Variants in ATXN8OS observed in about 807,000 individuals in gnomAD.
ATXN8OS encodes ATXN8 opposite strand (non-protein coding).
intron 3 of ATXN8OS, among the ~76,000 whole-genome samples, chr13:70,146,134 T>A (rs1379071158): frequency 6.0e-4 from 89 of 147,734 alleles, no homozygotes; most frequent in Admixed American, 1.5e-3. Flanking sequence ...AAAAGAAGAC[T>A]TTTATGCAGC....
chr13:70,141,285 T>C (rs960685987), intron 3 of ATXN8OS, among the ~76,000 whole-genome samples: 5 of 152,162 alleles, frequency 3.3e-5, no homozygotes, highest in Non-Finnish European at 7.3e-5. Flanking sequence ...AAATATTAAA[T>C]CTATAGTGTC....
chr13:70,113,103 G>A (rs1329401291), intron 1 of ATXN8OS, among the ~76,000 whole-genome samples: 1 of 151,354 alleles, frequency 6.6e-6, no homozygotes, highest in Non-Finnish European at 1.5e-5. Flanking sequence ...CGTATTTTTA[G>A]TAGAGACGGG....
At chr13:70,118,384 A>G (rs1888311507) in intron 2 of ATXN8OS, among the ~76,000 whole-genome samples, 1 of 152,088 alleles carries the variant, frequency 6.6e-6, no homozygotes, top group Non-Finnish European at 1.5e-5. Context: ...ATTAATATTT[A>G]TTGAACTGGG....
chr13:70,164,335 C>G (rs577150645), intron 4 of ATXN8OS, among the ~76,000 whole-genome samples: 4 of 151,740 alleles, frequency 2.6e-5, no homozygotes, highest in African/African-American at 9.6e-5. Context: ...CATCTTCCTT[C>G]TCCTCCTCTT....
At position 70,169,280 on chromosome 13, in the gene ATXN8OS, T is replaced by C. The variant is rs116886931; in HGVS notation, n.574-473T>C. On this transcript the variant is annotated intron_variant and non_coding_transcript_variant, in intron 4 of 4. Transcript: ENST00000678624. ...TCCTAGAAATAAACCTCAGAAGAAA[T>C]AGAAGAAAACGTTTAATCTTTTTGT... 6.4e-3 allele frequency among the ~76,000 whole-genome samples: 970 copies of C among 152,174 alleles called. 18 individuals carry two copies. The highest frequency in any genetic ancestry group is 0.011 in the Admixed American group (162 of 15,252).
rs376909417 is a variant in ATXN8OS, at chr13:70,161,022, T to C, written n.574-8731T>C. Among the ~76,000 whole-genome samples the C allele has an allele frequency of 1.4e-4, 21 of 151,698 alleles. No homozygotes were observed. The East Asian group carries it at 2.3e-3, about 17-fold the overall frequency. On this transcript the variant is annotated intron_variant and non_coding_transcript_variant, in intron 4 of 4. Coordinates refer to ENST00000678624, the Ensembl canonical transcript of ATXN8OS. ...TCGAGACAAATCTACAGTTGAGATT[T>C]CTAAATATAACTGTTATTAGAAAAT...
At chr13:70,108,049 G>A in intron 1 of ATXN8OS, 3 of 424,918 alleles carry the variant, frequency 7.1e-6, no homozygotes, top group Non-Finnish European at 1.2e-5. Flanking sequence ...GGAGATGCGC[G>A]AGGGAGGGAG....
At chr13:70,129,896 A>C (rs748991535) in intron 3 of ATXN8OS, 4 of 398,356 alleles carry the variant, frequency 1.0e-5, no homozygotes, top group South Asian at 1.3e-4. Flanking sequence ...TAAAAACATC[A>C]AAAGGTTGTA....
Position 70,120,479 on chromosome 13 carries a change from T to C in ATXN8OS, n.398+5181T>C, listed in dbSNP as rs1475614878. ...AGGCCATCAAATATTTGTCATTAAA[T>C]TGTTGGAGTCTATTCAGTCATGGAA... On this transcript the variant is annotated intron_variant and non_coding_transcript_variant, in intron 2 of 4. Coordinates refer to ENST00000678624, the Ensembl canonical transcript of ATXN8OS. Among the ~76,000 whole-genome samples the C allele has an allele frequency of 2.6e-5, 4 of 152,204 alleles. No homozygotes were observed. The East Asian group carries it at 7.7e-4, about 29-fold the overall frequency.
intron 1 of ATXN8OS, among the ~76,000 whole-genome samples, chr13:70,111,981 A>T (rs1179549019): frequency 6.6e-6 from 1 of 152,196 alleles, no homozygotes; most frequent in East Asian, 1.9e-4. Flanking sequence ...GGTAATTTAT[A>T]AAGAAAATAA....
intron 4 of ATXN8OS, among the ~76,000 whole-genome samples, chr13:70,153,950 G>T (rs1888905910): frequency 6.6e-6 from 1 of 152,090 alleles, no homozygotes; most frequent in African/African-American, 2.4e-5. Flanking sequence ...GCCTCACAAA[G>T]TGTTGGGATT....
chr13:70,112,512 C>G (rs1412762540), intron 1 of ATXN8OS, among the ~76,000 whole-genome samples: 1 of 152,142 alleles, frequency 6.6e-6, no homozygotes, highest in East Asian at 1.9e-4. Context: ...ATACACATAA[C>G]CATTCATGGT....
At chr13:70,128,588 C>A (rs1318581452) in intron 2 of ATXN8OS, among the ~76,000 whole-genome samples, 1 of 151,856 alleles carries the variant, frequency 6.6e-6, no homozygotes, top group Non-Finnish European at 1.5e-5. Context: ...ATTTCAAAGG[C>A]TCAGAATTAT....
At chr13:70,117,704 C>T (rs897539520) in intron 2 of ATXN8OS, among the ~76,000 whole-genome samples, 4 of 151,992 alleles carry the variant, frequency 2.6e-5, no homozygotes, top group Admixed American at 1.3e-4. Context: ...CTTTGAGTCT[C>T]AGCTTTCTTA....
chr13:70,161,948 T>G (rs2137505286), intron 4 of ATXN8OS, among the ~76,000 whole-genome samples: 1 of 152,138 alleles, frequency 6.6e-6, no homozygotes, highest in Admixed American at 6.6e-5. Flanking sequence ...ACAGAAATTC[T>G]ATACATTCAA....
At chr13:70,141,670 CT>C (rs1488998380) in intron 3 of ATXN8OS, among the ~76,000 whole-genome samples, 1 of 151,700 alleles carries the variant, frequency 6.6e-6, no homozygotes, top group East Asian at 1.9e-4. Context: ...TGTTTTGTTA[CT>C]TTTTGCCCCA....
chr13:70,163,371 C>T (rs772152930), intron 4 of ATXN8OS, among the ~76,000 whole-genome samples: 14 of 151,542 alleles, frequency 9.2e-5, no homozygotes, highest in Non-Finnish European at 1.5e-4. Flanking sequence ...ACAAAATCAT[C>T]TCCCTTGAAT....
chr13:70,166,108 T>C (rs968082540), intron 4 of ATXN8OS, among the ~76,000 whole-genome samples: 3 of 152,040 alleles, frequency 2.0e-5, no homozygotes, highest in African/African-American at 7.2e-5. Context: ...AATATCTCAT[T>C]AAGGATCAGG....
intron 4 of ATXN8OS, among the ~76,000 whole-genome samples, chr13:70,166,802 T>G (rs1889081429): frequency 1.3e-5 from 2 of 151,916 alleles, no homozygotes; most frequent in Non-Finnish European, 2.9e-5. Context: ...GAATCTACAA[T>G]GAACTCAAAC....
Sources: gnomAD v4.1 joint callset for allele counts (sites outside exome capture counted in the v4.1 genomes callset) on GRCh38, gnomAD v4.1.1 for gene constraint, MANE v1.5 for transcripts, NCBI Gene and HGNC (gene_info 2026-07-23, HGNC 2026-07-21) for gene names.